SLC39A10: variants seen among roughly 807,000 people sequenced by gnomAD.
SLC39A10 encodes solute carrier family 39 member 10.
SLC39A10 carries 13 observed loss-of-function variants against 65.1 expected under a neutral mutation model. That is an observed-to-expected ratio of 0.20 (90% confidence interval 0.13 to 0.32). The LOEUF is 0.32. Among genes scored for constraint, SLC39A10 ranks in the 10% least tolerant of loss-of-function variants. SLC39A10 has a pLI of 1.00. For synonymous variants in SLC39A10, 321 were observed against 342.2 expected (o/e 0.94, Z 0.68); for missense variants, 831 against 1,018.4 (o/e 0.82, Z 2.50).
intron 3 of SLC39A10, among the ~76,000 whole-genome samples, chr2:195,699,560 T>G (rs1316284051): frequency 6.6e-6 from 1 of 152,104 alleles, no homozygotes; most frequent in Non-Finnish European, 1.5e-5. Context: ...AAGAATATGT[T>G]GTTTAATTTC....
intron 4 of SLC39A10, among the ~76,000 whole-genome samples, chr2:195,707,025 T>C (rs1691424506): frequency 6.6e-6 from 1 of 152,198 alleles, no homozygotes; most frequent in Non-Finnish European, 1.5e-5. Flanking sequence ...GGATTAAAAT[T>C]TGCAATATCA....
chr2:195,617,998 C>T (rs1484697785), intron 2 of SLC39A10, among the ~76,000 whole-genome samples: 2 of 151,146 alleles, frequency 1.3e-5, no homozygotes, highest in Non-Finnish European at 2.9e-5. Flanking sequence ...CTTGGCCTCC[C>T]AAAGTGCTGG....
chr2:195,615,593 T>C (rs1163084548), intron 2 of SLC39A10, among the ~76,000 whole-genome samples: 1 of 152,220 alleles, frequency 6.6e-6, no homozygotes, highest in Non-Finnish European at 1.5e-5. Context: ...TCGCAGATGA[T>C]GGTAATGTGC....
chr2:195,706,025 T>C (rs541512684), intron 3 of SLC39A10, among the ~76,000 whole-genome samples: 2 of 152,258 alleles, frequency 1.3e-5, no homozygotes, highest in South Asian at 4.2e-4. Context: ...AATGGGAGTT[T>C]GGAACCAGGT....
In SLC39A10 at chr2:195,680,836, G is replaced by A. The variant is rs1197686246; in HGVS notation, c.794G>A (p.Arg265Gln). 3.7e-6 allele frequency: 6 copies of A among 1,613,770 alleles called. No individual in the cohort carries two copies. In the Admixed American group the frequency reaches 5.0e-5, roughly 13 times the overall value. ...HDQGEQYEHN[R>Q]VHKPDRVHNP... ...CAGGGTGAACAGTATGAGCATAATC[G>A]GGTCCACAAACCTGATCGTGTACAT... The change falls in exon 2 of 10, where the codon CGG becomes CAG. Residue 265 changes from arginine to glutamine, a missense_variant. By Grantham distance (43) the Arg-to-Gln change is conservative. Transcript: ENST00000359634.
chr2:195,728,381 A>T lies in SLC39A10; in HGVS notation c.2337+32A>T. On this transcript the variant is annotated intron_variant, in intron 9 of 9. Transcript: ENST00000359634. The surrounding 1 kb of genome is among the most constrained non-coding windows in gnomAD (Gnocchi z 4.4). ...TATTTTATATTTTTTTGTGGTACTA[A>T]ACCTGCAAATGAAAGAAATCCTTGG... 1 of 1,567,248 alleles carries T rather than the reference A, an allele frequency of 6.4e-7. No individual in the cohort carries two copies. Among genetic ancestry groups the T allele is most frequent in the East Asian group, 2.3e-5 (1 of 44,318 alleles).
chr2:195,716,026 C>G (rs1479092535), intron 6 of SLC39A10, among the ~76,000 whole-genome samples: 2 of 152,016 alleles, frequency 1.3e-5, no homozygotes, highest in East Asian at 3.8e-4. Context: ...AAACAAGTGT[C>G]AGAGTATCAC....
Position 195,645,292 on chromosome 2 carries a change from A to T in SLC39A10, c.-11-34740A>T, listed in dbSNP as rs1223943907. Among the ~76,000 whole-genome samples, 3 of 152,158 alleles carry T rather than the reference A, an allele frequency of 2.0e-5. No homozygotes were observed. In the East Asian group the frequency reaches 5.8e-4, roughly 29 times the overall value. On this transcript the variant is annotated intron_variant, in intron 2 of 2. Transcript: ENST00000458054. ...CATACTGGCTAATGTCATTGCCTAT[A>T]CATTTTGGTAATCTCAAAACTGTTC...
intron 4 of SLC39A10, among the ~76,000 whole-genome samples, chr2:195,707,173 C>T (rs997172675): frequency 6.6e-6 from 1 of 152,156 alleles, no homozygotes; most frequent in African/African-American, 2.4e-5. Context: ...CAGATACACT[C>T]AGTGCGCTGT....
intron 1 of SLC39A10, chr2:195,658,537 T>C (rs770501304): frequency 3.9e-5 from 6 of 152,234 alleles, no homozygotes; most frequent in Non-Finnish European, 8.8e-5. Flanking sequence ...AGGTTTGTAT[T>C]TGTTTTCTTT....
chr2:195,661,087 A>G (rs995186658), intron 1 of SLC39A10, among the ~76,000 whole-genome samples: 1 of 152,144 alleles, frequency 6.6e-6, no homozygotes, highest in African/African-American at 2.4e-5. Flanking sequence ...TTACACACAG[A>G]TATTATAACA....
chr2:195,682,520 C>T (rs1025316316), intron 2 of SLC39A10, among the ~76,000 whole-genome samples: 20 of 152,122 alleles, frequency 1.3e-4, no homozygotes, highest in Middle Eastern at 6.8e-3. Context: ...TCAAACTCCT[C>T]GCCTCAAGTA....
chr2:195,645,332 C>T (rs895897949), intron 2 of SLC39A10, among the ~76,000 whole-genome samples: 10 of 152,116 alleles, frequency 6.6e-5, no homozygotes, highest in Non-Finnish European at 2.9e-5. Flanking sequence ...TACAAAGCTA[C>T]TGCTTGTACT....
At chr2:195,641,984 G>T (rs1031271084) in intron 2 of SLC39A10, among the ~76,000 whole-genome samples, 3 of 152,192 alleles carry the variant, frequency 2.0e-5, no homozygotes, top group East Asian at 3.9e-4. Flanking sequence ...GAGCCACTGT[G>T]CCTGGCCTGA....
At chr2:195,722,062 AT>A (rs1329467529) in intron 8 of SLC39A10, among the ~76,000 whole-genome samples, 13 of 152,210 alleles carry the variant, frequency 8.5e-5, no homozygotes, top group African/African-American at 3.1e-4. Context: ...GAAGCCCTTG[AT>A]ACCCAATGCA....
chr2:195,706,899 CT>C, intron 4 of SLC39A10, 114 bp downstream of exon 4: 1 of 683,368 alleles, frequency 1.5e-6, no homozygotes, highest in South Asian at 6.8e-5. Context: ...GTTTTATTTG[CT>C]TATAGGATGA....
intron 1 of SLC39A10, among the ~76,000 whole-genome samples, chr2:195,664,270 A>T (rs1174097209): frequency 2.0e-5 from 3 of 152,128 alleles, no homozygotes; most frequent in Non-Finnish European, 4.4e-5. Context: ...AAAGTGTTGG[A>T]TGTTAGTGCA....
intron 1 of SLC39A10, among the ~76,000 whole-genome samples, chr2:195,673,291 C>G (rs1431742648): frequency 6.6e-6 from 1 of 152,106 alleles, no homozygotes; most frequent in Non-Finnish European, 1.5e-5. Context: ...ATCCTCCTAC[C>G]TTGGCTTCTG....
intron 2 of SLC39A10, among the ~76,000 whole-genome samples, chr2:195,616,411 G>T (rs574293274): frequency 1.3e-5 from 2 of 149,438 alleles, no homozygotes; most frequent in African/African-American, 2.5e-5. Context: ...GGTTCAAGTG[G>T]TTCTCCTGCC....
Sources: gnomAD v4.1 joint callset for allele counts (sites outside exome capture counted in the v4.1 genomes callset) on GRCh38, gnomAD v4.1.1 for gene constraint, Gnocchi (gnomAD v3.1) non-coding constraint, MANE v1.5 for transcripts, NCBI Gene and HGNC (gene_info 2026-07-23, HGNC 2026-07-21) for gene names.